ADAMTS12: variants seen among roughly 807,000 people sequenced by gnomAD.
ADAMTS12 encodes A disintegrin and metalloproteinase with thrombospondin motifs 12.
In ADAMTS12, 118 loss-of-function variants were observed where a neutral mutation model predicts 167.8. That is an observed-to-expected ratio of 0.70 (90% CI 0.61 to 0.82). ADAMTS12 has a LOEUF of 0.82. Among genes scored for constraint, ADAMTS12 ranks in the 40% least tolerant of loss-of-function variants. ADAMTS12 has a pLI of 0.00. For missense variants in ADAMTS12, 1,916 were observed against 1,998.8 expected (o/e 0.96, Z 0.79); for synonymous variants, 704 against 716.9 (o/e 0.98, Z 0.29).
At chr5:33,601,429 T>C (rs1738182479) in intron 16 of ADAMTS12, among the ~76,000 whole-genome samples, 3 of 152,180 alleles carry the variant, frequency 2.0e-5, no homozygotes, top group Admixed American at 2.0e-4. Context: ...CCAAAGCCTC[T>C]TTGTAACCCA....
intron 16 of ADAMTS12, among the ~76,000 whole-genome samples, chr5:33,613,852 C>G (rs1018064859): frequency 1.3e-5 from 2 of 152,136 alleles, no homozygotes; most frequent in African/African-American, 4.8e-5. Context: ...ATCAGAAGAG[C>G]TGGTTGTGGT....
At chr5:33,856,249 C>A (rs1234804262) in intron 2 of ADAMTS12, among the ~76,000 whole-genome samples, 1 of 152,310 alleles carries the variant, frequency 6.6e-6, no homozygotes, top group Non-Finnish European at 1.5e-5. Context: ...CCCGCAAAAC[C>A]TCCCTGCACT....
In ADAMTS12 at chr5:33,740,185, G is replaced by A. The variant is rs570369878; in HGVS notation, c.634+11219C>T. Among the ~76,000 whole-genome samples the A allele has an allele frequency of 7.2e-5, 11 of 152,190 alleles. No homozygotes were observed. In the East Asian group the frequency reaches 2.1e-3, roughly 29 times the overall value. ...ATTTCTCTTTCAACTCTAACGTGAA[G>A]AACAGAGAAAAATATAAAACTCATT... On this transcript the variant is annotated intron_variant, in intron 3 of 23. Transcript: ENST00000504830.
At chr5:33,686,866 A>C (rs9784714) in intron 3 of ADAMTS12, among the ~76,000 whole-genome samples, 121,400 of 149,028 alleles carry the variant, frequency 0.81, 49,512 homozygotes, top group South Asian at 0.9. Flanking sequence ...CTCTCTCTCT[A>C]TATATATATG....
intron 12 of ADAMTS12, among the ~76,000 whole-genome samples, chr5:33,631,233 A>T (rs1739911802): frequency 6.6e-6 from 1 of 152,188 alleles, no homozygotes; most frequent in Non-Finnish European, 1.5e-5. Flanking sequence ...AAAATAAGGC[A>T]CTGGGCATCT....
At chr5:33,738,138 A>G (rs1301355997) in intron 3 of ADAMTS12, among the ~76,000 whole-genome samples, 1 of 152,148 alleles carries the variant, frequency 6.6e-6, no homozygotes, top group Non-Finnish European at 1.5e-5. Flanking sequence ...CAATATAGGC[A>G]CTAGTGGAAA....
intron 3 of ADAMTS12, among the ~76,000 whole-genome samples, chr5:33,688,472 T>C (rs947270529): frequency 3.3e-5 from 5 of 150,860 alleles, no homozygotes; most frequent in Non-Finnish European, 7.4e-5. Flanking sequence ...CCCTGGAAAA[T>C]GCAATTTACC....
chr5:33,863,319 TA>T (rs1205363826), intron 2 of ADAMTS12, among the ~76,000 whole-genome samples: 14 of 152,226 alleles, frequency 9.2e-5, no homozygotes, highest in Non-Finnish European at 2.9e-5. Context: ...AAAATTTCCT[TA>T]AGCTGATAAG....
chr5:33,784,019 G>A (rs1746242270), intron 2 of ADAMTS12, among the ~76,000 whole-genome samples: 1 of 151,776 alleles, frequency 6.6e-6, no homozygotes, highest in African/African-American at 2.4e-5. Context: ...ATGGCCAAGT[G>A]AGATTTACCC....
At chr5:33,614,585 C>A (rs1391142751) in intron 15 of ADAMTS12, among the ~76,000 whole-genome samples, 1 of 152,160 alleles carries the variant, frequency 6.6e-6, no homozygotes, top group Non-Finnish European at 1.5e-5. Context: ...CTACATCTAC[C>A]TCTATAGCTA....
At chr5:33,705,393 G>A (rs1743159647) in intron 3 of ADAMTS12, among the ~76,000 whole-genome samples, 1 of 151,838 alleles carries the variant, frequency 6.6e-6, no homozygotes, top group Admixed American at 6.6e-5. Flanking sequence ...TTTTGCTGTT[G>A]AGTTGTTTGA....
intron 2 of ADAMTS12, among the ~76,000 whole-genome samples, chr5:33,826,695 A>G (rs2112511508): frequency 6.6e-6 from 1 of 152,240 alleles, no homozygotes; most frequent in South Asian, 2.1e-4. Context: ...CAAATAACCT[A>G]AATTAATAAT....
intron 8 of ADAMTS12, 86 bp downstream of exon 8, chr5:33,649,468 A>T: frequency 6.7e-7 from 1 of 1,499,600 alleles, no homozygotes; most frequent in Non-Finnish European, 9.0e-7. Flanking sequence ...AGCCTTTTCC[A>T]GGCATCAGCT....
rs189712939 is a variant in ADAMTS12, at chr5:33,874,559, T to A, written c.489+6560A>T. Among the ~76,000 whole-genome samples the A allele has an allele frequency of 1.4e-3, 218 of 152,326 alleles. 2 individuals are homozygous for A. Among genetic ancestry groups the A allele is most frequent in the African/African-American group, 5.1e-3 (212 of 41,576 alleles). On this transcript the variant is annotated intron_variant, in intron 2 of 23. Coordinates refer to ENST00000504830, the MANE Select transcript of ADAMTS12 (RefSeq NM_030955.4). ...GACTAAACATACTCGTACCATATAA[T>A]CCAGCAGTAACACTTCTTGATATTT...
At chr5:33,590,803 C>T (rs1747594127) in intron 17 of ADAMTS12, among the ~76,000 whole-genome samples, 1 of 152,092 alleles carries the variant, frequency 6.6e-6, no homozygotes, top group Non-Finnish European at 1.5e-5. Context: ...TTATAAATTA[C>T]CCAGTCTGTG....
At position 33,812,140 on chromosome 5, in the gene ADAMTS12, A is replaced by G. The variant is rs554194089; in HGVS notation, c.490-60592T>C. On this transcript the variant is annotated intron_variant, in intron 2 of 23. Coordinates refer to ENST00000504830, the MANE Select transcript of ADAMTS12 (RefSeq NM_030955.4). Reference sequence around the variant, plus strand: ...GTTTCTACAAATTAAAAAAACAAAAATAGCCAGTCTTGGTGATATGTGCCT... The same window carrying G: ...GTTTCTACAAATTAAAAAAACAAAAGTAGCCAGTCTTGGTGATATGTGCCT... Among the ~76,000 whole-genome samples the G allele has an allele frequency of 1.2e-3, 186 of 152,166 alleles. 3 individuals carry two copies. In the South Asian group the frequency reaches 0.027, roughly 22 times the overall value.
intron 17 of ADAMTS12, among the ~76,000 whole-genome samples, chr5:33,590,252 G>A (rs924399290): frequency 2.6e-5 from 4 of 152,186 alleles, no homozygotes; most frequent in East Asian, 3.8e-4. Context: ...GATAATAGAC[G>A]TTCTTGTTTT....
intron 16 of ADAMTS12, among the ~76,000 whole-genome samples, chr5:33,600,598 C>T (rs1347469766): frequency 6.6e-6 from 1 of 152,166 alleles, no homozygotes; most frequent in Non-Finnish European, 1.5e-5. Flanking sequence ...AGATTAGATA[C>T]TTAAGACAGT....
At chr5:33,882,056 G>T (rs780877825) in intron 1 of ADAMTS12, among the ~76,000 whole-genome samples, 9 of 152,124 alleles carry the variant, frequency 5.9e-5, no homozygotes, top group Non-Finnish European at 1.0e-4. Context: ...TCCGTGAGGG[G>T]TACTGTTAGA....
Sources: gnomAD v4.1 joint callset for allele counts (sites outside exome capture counted in the v4.1 genomes callset) on GRCh38, gnomAD v4.1.1 for gene constraint, MANE v1.5 for transcripts, NCBI Gene and HGNC (gene_info 2026-07-23, HGNC 2026-07-21) for gene names.